Variants in UTY observed in about 807,000 individuals in gnomAD.
The protein encoded by UTY is ubiquitously transcribed tetratricopeptide repeat containing, Y-linked.
UTY carries 12 observed loss-of-function variants against 32.5 expected under a neutral mutation model. The observed-to-expected ratio is 0.37, with a 90% CI of 0.24 to 0.60. The LOEUF is 0.60. Among genes scored for constraint, UTY ranks in the 20% least tolerant of loss-of-function variants. The probability of loss-of-function intolerance (pLI) is 0.69; values close to 1 mark genes in which losing one functional copy is unlikely to be tolerated. For synonymous variants in UTY, 131 were observed against 103.4 expected, an observed-to-expected ratio of 1.27 and a Z score of -1.62; for missense variants, 303 against 299.2, an observed-to-expected ratio of 1.01 and a Z score of -0.09.
intron 27 of UTY, among the ~76,000 whole-genome samples, chrY:13,296,073 T>C: frequency 2.9e-5 from 1 of 34,066 alleles, no homozygotes; most frequent in Non-Finnish European, 7.3e-5. Context: ...TCTGTTCCTG[T>C]GGTAGGCTTC....
intron 27 of UTY, among the ~76,000 whole-genome samples, chrY:13,269,907 G>C (rs542116679): frequency 2.5e-3 from 85 of 34,359 alleles, no homozygotes; most frequent in African/African-American, 8.7e-3. Context: ...GTGAGATGAG[G>C]AGGGTGTCTC....
Position 13,335,671 on chromosome Y carries a change from G to C in UTY, c.2726C>G (p.Ser909Cys). The part of the protein sequence containing the change: ...NGEGLGKSQS[S>C]TKVDLPLASH... Reference sequence around the variant, plus strand: ...AGCTAAAGGCAGGTCTACTTTTGTAGAGCTCTGTGACTTCCCCAGCCCCTC... The same window carrying C: ...AGCTAAAGGCAGGTCTACTTTTGTACAGCTCTGTGACTTCCCCAGCCCCTC... The change falls in exon 18 of 30, where the codon TCT becomes TGT. Residue 909 changes from serine to cysteine, a missense_variant. By Grantham distance (112) the Ser-to-Cys change is moderately radical. Transcript: ENST00000545955. 1 of 398,788 alleles carries C rather than the reference G, an allele frequency of 2.5e-6. No homozygotes were observed. The highest frequency in any genetic ancestry group is 3.5e-6 in the Non-Finnish European group (1 of 283,582).
In UTY at chrY:13,369,343, A is replaced by G; in HGVS notation, c.652T>C (p.Tyr218His). 1 of 330,417 alleles carries G rather than the reference A, an allele frequency of 3.0e-6. No homozygotes were observed. Among genetic ancestry groups the G allele is most frequent in the Non-Finnish European group, 4.1e-6 (1 of 240,977 alleles). The allele number at this position is 330,417 out of a possible 400,897, so 82.4% of individuals were successfully genotyped here. A position where few individuals can be genotyped will look rare whatever the true frequency, so the allele number is the denominator to read the frequency against. Reference sequence around the variant, plus strand: ...TCATATGCCTCCTTTGCAGAATGATACTTCCTCTAAAGAGCAAAGGAAAAA... The same window carrying G: ...TCATATGCCTCCTTTGCAGAATGATGCTTCCTCTAAAGAGCAAAGGAAAAA... ...IAHLYETQRK[Y>H]HSAKEAYEQL... The change falls in exon 9 of 30, where the codon TAT (tyrosine) becomes CAT (histidine). Residue 218 changes from tyrosine (Y) to histidine (H), a missense_variant. Transcript: ENST00000545955.
At chrY:13,332,999 C>A (rs746777495) in intron 18 of UTY, among the ~76,000 whole-genome samples, 1 of 33,140 alleles carries the variant, frequency 3.0e-5, no homozygotes, top group African/African-American at 1.2e-4. Context: ...ACAATTGCTA[C>A]AGAGAATTAA....
At chrY:13,431,628 A>G (rs1038551465) in intron 4 of UTY, among the ~76,000 whole-genome samples, 4 of 33,259 alleles carry the variant, frequency 1.2e-4, no homozygotes, top group Non-Finnish European at 2.2e-4. Context: ...AAAAAGTAAT[A>G]AATGTGATTG....
intron 18 of UTY, among the ~76,000 whole-genome samples, chrY:13,330,592 T>G: frequency 3.0e-5 from 1 of 33,800 alleles, no homozygotes; most frequent in Non-Finnish European, 7.4e-5. Flanking sequence ...AGCGGCTGTT[T>G]GGGCAGACAC....
chrY:13,425,985 A>T (rs753051261), intron 4 of UTY, among the ~76,000 whole-genome samples: 1 of 33,557 alleles, frequency 3.0e-5, no homozygotes, highest in Non-Finnish European at 7.4e-5. Flanking sequence ...TGAAGGAAAC[A>T]GATACAACCA....
chrY:13,479,822 G>A lies in UTY; in HGVS notation c.-157C>T. Reference sequence around the variant, plus strand: ...TGAGGCAAAGACTTAAGCTACCGAAGCACGGGCAGCGGAACTCGGCTACCT... The same window carrying A: ...TGAGGCAAAGACTTAAGCTACCGAAACACGGGCAGCGGAACTCGGCTACCT... On this transcript the variant is annotated 5_prime_UTR_variant, in exon 1 of 30. Coordinates refer to ENST00000545955, the MANE Select transcript of UTY (RefSeq NM_001258249.2). The A allele has an allele frequency of 4.8e-6, 1 of 208,956 alleles. No individual in the cohort carries two copies. Among genetic ancestry groups the A allele is most frequent in the Non-Finnish European group, 7.6e-6 (1 of 130,950 alleles). The allele number at this position is 208,956 out of a possible 400,897, so 52.1% of individuals were successfully genotyped here.
chrY:13,347,599 G>C, intron 17 of UTY, among the ~76,000 whole-genome samples: 1 of 31,912 alleles, frequency 3.1e-5, no homozygotes, highest in Non-Finnish European at 7.6e-5. Flanking sequence ...GCAGGCGCCT[G>C]TAGTCCCAGC....
At chrY:13,237,207 C>T in intron 28 of UTY, among the ~76,000 whole-genome samples, 1 of 33,987 alleles carries the variant, frequency 2.9e-5, no homozygotes, top group Non-Finnish European at 7.3e-5. Flanking sequence ...AGTCAATCAT[C>T]ATTCTGTAGA....
chrY:13,267,839 T>G, intron 27 of UTY, among the ~76,000 whole-genome samples: 1 of 33,078 alleles, frequency 3.0e-5, no homozygotes, highest in Non-Finnish European at 7.4e-5. Flanking sequence ...TTAAGAACGT[T>G]GAATATTGGC....
At chrY:13,313,353 G>C in intron 21 of UTY, among the ~76,000 whole-genome samples, 1 of 33,382 alleles carries the variant, frequency 3.0e-5, no homozygotes, top group Non-Finnish European at 7.4e-5. Flanking sequence ...AATCTGTTTA[G>C]GATTAAATGA....
intron 27 of UTY, among the ~76,000 whole-genome samples, chrY:13,274,617 T>C (rs776729837): frequency 6.4e-5 from 2 of 31,020 alleles, no homozygotes; most frequent in East Asian, 1.6e-3. Context: ...CCGTCTCTAC[T>C]AAAAATACAA....
intron 4 of UTY, among the ~76,000 whole-genome samples, chrY:13,422,517 C>T: frequency 3.0e-5 from 1 of 32,992 alleles, no homozygotes; most frequent in Non-Finnish European, 7.5e-5. Context: ...CACTAAAAGA[C>T]AGGTACTAAA....
chrY:13,242,851 C>T (rs746805658), intron 28 of UTY, among the ~76,000 whole-genome samples: 1 of 33,406 alleles, frequency 3.0e-5, no homozygotes, highest in Admixed American at 2.7e-4. Context: ...GATGAAAATA[C>T]ATTTGAAAAA....
intron 3 of UTY, among the ~76,000 whole-genome samples, chrY:13,460,987 ATTT>A (rs2077309438): frequency 3.0e-5 from 1 of 32,885 alleles, no homozygotes; most frequent in African/African-American, 1.2e-4. Context: ...TTTACAAATA[ATTT>A]TTTAAAGGGG....
intron 4 of UTY, among the ~76,000 whole-genome samples, chrY:13,416,876 C>A (rs2071742628): frequency 5.9e-5 from 2 of 33,958 alleles, no homozygotes; most frequent in East Asian, 1.5e-3. Context: ...ACCAGTCCAG[C>A]TTCCTGCAAT....
intron 2 of UTY, among the ~76,000 whole-genome samples, chrY:13,472,746 T>C (rs2150336034): frequency 2.9e-5 from 1 of 34,017 alleles, no homozygotes; most frequent in East Asian, 7.6e-4. Context: ...AAAATATGTC[T>C]TATGCAACAA....
intron 24 of UTY, among the ~76,000 whole-genome samples, chrY:13,305,184 T>G: frequency 3.1e-5 from 1 of 32,619 alleles, no homozygotes; most frequent in Non-Finnish European, 7.5e-5. Flanking sequence ...CTTTCCCAGT[T>G]TACATTTTTC....
Sources: allele counts gnomAD v4.1 joint callset (sites outside exome capture counted in the v4.1 genomes callset), GRCh38; gene constraint gnomAD v4.1.1; transcripts MANE v1.5; gene names NCBI Gene and HGNC (gene_info 2026-07-23, HGNC 2026-07-21).